ELP4: variants seen among roughly 807,000 people sequenced by gnomAD.
The protein encoded by ELP4 is elongator complex protein 4.
A neutral mutation model predicts 48.9 loss-of-function variants in ELP4; 51 were observed. That is an observed-to-expected ratio of 1.04 (90% confidence interval 0.83 to 1.32). The LOEUF (loss-of-function observed/expected upper bound fraction) is 1.32, where lower values mean the gene tolerates loss of function less well. Ranked by LOEUF, ELP4 falls within the 40% of genes most tolerant of loss-of-function variation. ELP4 has a pLI of 0.00. For missense variants in ELP4, 519 were observed against 514.6 expected, an observed-to-expected ratio of 1.01 and a Z score of -0.08; for synonymous variants, 210 against 189.2, an observed-to-expected ratio of 1.11 and a Z score of -0.90.
At chr11:31,533,152 A>G (rs930927057) in intron 2 of ELP4, among the ~76,000 whole-genome samples, 2 of 152,056 alleles carry the variant, frequency 1.3e-5, no homozygotes, top group Admixed American at 1.3e-4. Context: ...CCAAATGGTG[A>G]GCATTGTACC....
At chr11:31,718,095 C>T (rs1398328088) in intron 9 of ELP4, among the ~76,000 whole-genome samples, 1 of 152,154 alleles carries the variant, frequency 6.6e-6, no homozygotes, top group Non-Finnish European at 1.5e-5. Context: ...CTGAGCCCAG[C>T]TCCTAAAACT....
chr11:31,735,235 T>A (rs1947283079), intron 9 of ELP4, among the ~76,000 whole-genome samples: 1 of 149,504 alleles, frequency 6.7e-6, no homozygotes, highest in Non-Finnish European at 1.5e-5. Context: ...AAACTCAAAA[T>A]GGATTAAAGA....
intron 9 of ELP4, among the ~76,000 whole-genome samples, chr11:31,665,014 T>C (rs895745113): frequency 6.6e-6 from 1 of 152,192 alleles, no homozygotes; most frequent in Non-Finnish European, 1.5e-5. Flanking sequence ...TTGATTCATC[T>C]TTTATGCTGC....
In ELP4 at chr11:31,632,343, C is replaced by G; in HGVS notation, c.865C>G (p.Arg289Gly). The change falls in exon 7 of 10, where the codon CGT (arginine) becomes GGT (glycine). Residue 289 changes from arginine (R) to glycine (G), a missense_variant. Arg to Gly is a moderately radical substitution (Grantham distance 125, BLOSUM62 -2). Coordinates refer to ENST00000640961, the MANE Select transcript of ELP4 (RefSeq NM_019040.5). The part of the protein sequence containing the change: ...HSLTKFLYVL[R>G]GLLRTSLSAC... ...CCTTACCAAGTTCCTCTATGTTCTCCGTGGTCTTCTGAGAACCTCTCTTTC... is the reference window on the plus strand; with the variant it reads ...CCTTACCAAGTTCCTCTATGTTCTCGGTGGTCTTCTGAGAACCTCTCTTTC... 1 of 1,613,222 alleles carries G rather than the reference C, an allele frequency of 6.2e-7. No individual in the cohort carries two copies. The highest frequency in any genetic ancestry group is 8.5e-7 in the Non-Finnish European group (1 of 1,179,560).
intron 9 of ELP4, among the ~76,000 whole-genome samples, chr11:31,732,449 A>C (rs1391097959): frequency 2.7e-5 from 4 of 148,758 alleles, no homozygotes; most frequent in Admixed American, 6.8e-5. Flanking sequence ...GAAAATGATA[A>C]AGGAATCAAA....
chr11:31,536,757 G>A (rs1407782076), intron 2 of ELP4, among the ~76,000 whole-genome samples: 2 of 152,056 alleles, frequency 1.3e-5, no homozygotes, highest in African/African-American at 4.8e-5. Flanking sequence ...CTTTTAATAT[G>A]TTTTTTGGCC....
chr11:31,662,076 A>G (rs1945569811), intron 9 of ELP4, among the ~76,000 whole-genome samples: 1 of 152,070 alleles, frequency 6.6e-6, no homozygotes, highest in Non-Finnish European at 1.5e-5. Flanking sequence ...CTGAGAAACC[A>G]TTCTGATCCA....
intron 9 of ELP4, among the ~76,000 whole-genome samples, chr11:31,675,341 T>G (rs976493075): frequency 6.6e-6 from 1 of 151,940 alleles, no homozygotes; most frequent in African/African-American, 2.4e-5. Flanking sequence ...CTCAGCTCAC[T>G]GCAACCTCCG....
intron 5 of ELP4, among the ~76,000 whole-genome samples, chr11:31,616,483 CAT>C (rs1944486595): frequency 1.3e-5 from 2 of 151,962 alleles, no homozygotes; most frequent in Non-Finnish European, 2.9e-5. Flanking sequence ...TGGAAGAAAA[CAT>C]AGGGGAAACA....
In ELP4 at chr11:31,668,257, C is replaced by T. The variant is rs189795751; in HGVS notation, c.1143+18036C>T. Among the ~76,000 whole-genome samples the T allele has an allele frequency of 2.7e-3, 416 of 152,110 alleles. 3 individuals are homozygous for T. Among genetic ancestry groups the T allele is most frequent in the Middle Eastern group, 0.02 (6 of 294 alleles). On this transcript the variant is annotated intron_variant, in intron 9 of 9. Transcript: ENST00000640961. ...CAACACTTTTTAATATACGTATATG[C>T]TTAAGCATGGTATATGATGAATCTT...
At chr11:31,742,236 T>C (rs965853762) in intron 9 of ELP4, among the ~76,000 whole-genome samples, 14 of 152,138 alleles carry the variant, frequency 9.2e-5, no homozygotes, top group African/African-American at 2.7e-4. Flanking sequence ...ACAAGAAATA[T>C]GGGACTATGT....
chr11:31,672,992 T>G (rs866682299), intron 9 of ELP4, among the ~76,000 whole-genome samples: 1 of 151,918 alleles, frequency 6.6e-6, no homozygotes, highest in Non-Finnish European at 1.5e-5. Context: ...GACAGTAGTT[T>G]TTGGGTTTTG....
intron 3 of ELP4, among the ~76,000 whole-genome samples, chr11:31,575,259 G>A (rs557814630): frequency 6.6e-6 from 1 of 152,256 alleles, no homozygotes; most frequent in Admixed American, 6.5e-5. Context: ...AAAAAGAAAT[G>A]AACAAAGCCT....
Position 31,692,227 on chromosome 11 carries a change from T to C in ELP4, c.1143+42006T>C, listed in dbSNP as rs1946296169. On this transcript the variant is annotated intron_variant, in intron 9 of 9. Transcript: ENST00000640961. ...TTTGATACTATGATCCTGATAGTTA[T>C]ATTATTAATGTAGCCCAAATATTAG... is the stretch of plus-strand genomic sequence containing the variant. 3.9e-5 allele frequency among the ~76,000 whole-genome samples: 6 copies of C among 152,298 alleles called. No homozygotes were observed. In the South Asian group the frequency reaches 1.2e-3, roughly 32 times the overall value.
chr11:31,678,533 GTGTGTGTGTATA>G lies in ELP4; in HGVS notation c.1143+28317_1143+28328del, dbSNP rs1251129951. On this transcript the variant is annotated intron_variant, in intron 9 of 9. Coordinates refer to ENST00000640961, the MANE Select transcript of ELP4 (RefSeq NM_019040.5). ...TGTGTGTGTGTGTGTGTGTGTGTGT[GTGTGTGTGTATA>G]TGTGCATTTTATGTTCTCCTATGTC... 1.4e-4 allele frequency among the ~76,000 whole-genome samples: 14 copies of G among 99,104 alleles called. 1 individual carries two copies. In the South Asian group the frequency reaches 4.8e-3, roughly 34 times the overall value. 65.0% of individuals were successfully genotyped at this position (99,104 alleles called of 152,430 possible). A position where few individuals can be genotyped will look rare whatever the true frequency, so the allele number is the denominator to read the frequency against.
At chr11:31,550,498 C>T (rs1956830585) in intron 3 of ELP4, among the ~76,000 whole-genome samples, 1 of 152,148 alleles carries the variant, frequency 6.6e-6, no homozygotes. Context: ...GCCATTCAGT[C>T]CATTCTTAAA....
intron 9 of ELP4, among the ~76,000 whole-genome samples, chr11:31,760,174 T>C (rs1228232129): frequency 6.6e-6 from 1 of 152,162 alleles, no homozygotes. Context: ...TACCAACTTC[T>C]CCTCCAGTGC....
chr11:31,633,476 T>G (rs1473613748), intron 7 of ELP4: 1 of 151,998 alleles, frequency 6.6e-6, no homozygotes, highest in African/African-American at 2.4e-5. Flanking sequence ...CCAGTAGAAT[T>G]TATTTATTTA....
intron 4 of ELP4, among the ~76,000 whole-genome samples, chr11:31,595,445 C>T (rs755142243): frequency 8.5e-5 from 13 of 152,094 alleles, no homozygotes; most frequent in Non-Finnish European, 1.3e-4. Context: ...TTTGATTGTT[C>T]ACTTCATTCA....
Sources: gnomAD v4.1 joint callset for allele counts (sites outside exome capture counted in the v4.1 genomes callset) on GRCh38, gnomAD v4.1.1 for gene constraint, MANE v1.5 for transcripts, NCBI Gene and HGNC (gene_info 2026-07-23, HGNC 2026-07-21) for gene names.